SIK3: variants seen among roughly 807,000 people sequenced by gnomAD.
SIK3 encodes SIK family kinase 3.
Under a neutral mutation model 144.2 loss-of-function variants are expected in SIK3, and 28 were observed. The ratio of observed to expected loss-of-function variants is 0.19; its 90% CI spans 0.14 to 0.27. The LOEUF (loss-of-function observed/expected upper bound fraction) is 0.27, where lower values mean the gene tolerates loss of function less well. Among genes scored for constraint, SIK3 ranks in the 10% least tolerant of loss-of-function variants. SIK3 has a pLI of 1.00. For synonymous variants in SIK3, 686 were observed against 676.3 expected, an observed-to-expected ratio of 1.01 and a Z score of -0.22; for missense variants, 1,319 against 1,776.0, an observed-to-expected ratio of 0.74 and a Z score of 4.62.
At chr11:116,965,129 T>C (rs1328478682) in intron 1 of SIK3, among the ~76,000 whole-genome samples, 4 of 152,168 alleles carry the variant, frequency 2.6e-5, no homozygotes, top group African/African-American at 4.8e-5. Context: ...CTGTGATTAC[T>C]TGAAATTCAA....
At chr11:117,000,146 G>T (rs904103816) in intron 1 of SIK3, among the ~76,000 whole-genome samples, 1 of 152,124 alleles carries the variant, frequency 6.6e-6, no homozygotes, top group Admixed American at 6.6e-5. Flanking sequence ...TAGCTCAAGG[G>T]CCTATTGCCC....
intron 1 of SIK3, among the ~76,000 whole-genome samples, chr11:116,967,021 G>GAAAA (rs1949580586): frequency 3.5e-5 from 4 of 113,962 alleles, no homozygotes; most frequent in African/African-American, 1.1e-4. Context: ...AAAAGAAAAA[G>GAAAA]AAAAAGAAAA....
At chr11:116,937,472 A>G (rs1947981846) in intron 3 of SIK3, among the ~76,000 whole-genome samples, 1 of 152,246 alleles carries the variant, frequency 6.6e-6, no homozygotes, top group Admixed American at 6.5e-5. Context: ...ATTACGGTAC[A>G]TAATACCTAA....
chr11:117,057,044 G>A (rs549761023), intron 1 of SIK3, among the ~76,000 whole-genome samples: 2 of 152,340 alleles, frequency 1.3e-5, no homozygotes, highest in South Asian at 4.1e-4. Context: ...AGAAACAACA[G>A]AGATCTCCTG....
At chr11:116,977,613 G>T (rs11216210) in intron 1 of SIK3, among the ~76,000 whole-genome samples, 21,762 of 152,140 alleles carry the variant, frequency 0.14, 2,153 homozygotes, top group African/African-American at 0.27. Flanking sequence ...AACAGCAGAT[G>T]CAGGCTAGGG....
intron 1 of SIK3, among the ~76,000 whole-genome samples, chr11:116,974,155 G>A (rs1949866484): frequency 6.6e-6 from 1 of 152,182 alleles, no homozygotes. Context: ...CACATCTAAA[G>A]CTATTCTAAA....
chr11:116,967,003 C>CCAAAAAA (rs1555113643), intron 1 of SIK3, among the ~76,000 whole-genome samples: 10 of 100,102 alleles, frequency 1.0e-4, no homozygotes, highest in Non-Finnish European at 1.3e-4. Flanking sequence ...GACTCTGTTT[C>CCAAAAAA]AAAAAAAAAA....
At chr11:116,944,477 T>C (rs1232111885) in intron 3 of SIK3, among the ~76,000 whole-genome samples, 1 of 151,984 alleles carries the variant, frequency 6.6e-6, no homozygotes, top group East Asian at 1.9e-4. Flanking sequence ...AATCAATCAA[T>C]CAATCAATCA....
intron 22 of SIK3, among the ~76,000 whole-genome samples, chr11:116,848,538 C>T (rs1232480185): frequency 6.6e-6 from 1 of 152,164 alleles, no homozygotes; most frequent in Non-Finnish European, 1.5e-5. Flanking sequence ...CTCAATGTAG[C>T]TGCTGAAAAA....
intron 1 of SIK3, among the ~76,000 whole-genome samples, chr11:117,089,363 C>T (rs540487303): frequency 6.7e-6 from 1 of 150,040 alleles, no homozygotes; most frequent in South Asian, 2.1e-4. Context: ...GCCAAGATCG[C>T]GCCACTGCAC....
At chr11:117,045,145 G>C (rs1466870863) in intron 1 of SIK3, among the ~76,000 whole-genome samples, 1 of 152,128 alleles carries the variant, frequency 6.6e-6, no homozygotes, top group South Asian at 2.1e-4. Context: ...GACAGAATCA[G>C]TCTTCTATTC....
intron 1 of SIK3, among the ~76,000 whole-genome samples, chr11:117,091,723 T>C (rs568009400): frequency 4.6e-5 from 7 of 152,184 alleles, no homozygotes; most frequent in Non-Finnish European, 5.9e-5. Context: ...TGCCAAGAAA[T>C]GCATCAGAAA....
At chr11:116,964,914 A>G (rs907947780) in intron 1 of SIK3, among the ~76,000 whole-genome samples, 3 of 151,428 alleles carry the variant, frequency 2.0e-5, no homozygotes, top group African/African-American at 7.3e-5. Flanking sequence ...AATAAAATAC[A>G]ATAAAATGTA....
rs780228213 is a variant in SIK3 at position 116,846,359 on chromosome 11, G to A, written c.*13+24C>T. The A allele has an allele frequency of 6.2e-7, 1 of 1,607,832 alleles. No individual in the cohort carries two copies. The highest frequency in any genetic ancestry group is 8.5e-7 in the Non-Finnish European group (1 of 1,176,630). On this transcript the variant is annotated intron_variant, in intron 24 of 24. Transcript: ENST00000445177. The surrounding 1 kb of genome is among the most constrained non-coding windows in gnomAD (Gnocchi z 4.1). The stretch of plus-strand genomic sequence containing the variant: ...AGGCACTGGGCCACAGGGCTGGTTT[G>A]GCTCTGGCCAGGGTGACACTCACTC...
At chr11:116,965,782 T>TATATATATAA (rs1321470388) in intron 1 of SIK3, among the ~76,000 whole-genome samples, 1 of 117,394 alleles carries the variant, frequency 8.5e-6, no homozygotes, top group African/African-American at 3.5e-5. Flanking sequence ...TATATATATA[T>TATATATATAA]AAATTAGCCA....
chr11:117,033,244 C>T (rs1952343349), intron 1 of SIK3, among the ~76,000 whole-genome samples: 1 of 152,184 alleles, frequency 6.6e-6, no homozygotes, highest in South Asian at 2.1e-4. Flanking sequence ...TCTATCAGCA[C>T]AGCGTGACTG....
chr11:116,949,377 C>A (rs145527975), intron 3 of SIK3, among the ~76,000 whole-genome samples: 3 of 152,176 alleles, frequency 2.0e-5, no homozygotes, highest in Admixed American at 6.5e-5. Flanking sequence ...CATACTCAGC[C>A]GTTAAACTCC....
chr11:116,906,793 A>G (rs1192565919), intron 4 of SIK3, among the ~76,000 whole-genome samples: 1 of 152,242 alleles, frequency 6.6e-6, no homozygotes, highest in African/African-American at 2.4e-5. Flanking sequence ...ACAGAAATGG[A>G]CTACAAATAT....
At chr11:117,032,294 T>C (rs1418010827) in intron 1 of SIK3, among the ~76,000 whole-genome samples, 3 of 152,210 alleles carry the variant, frequency 2.0e-5, no homozygotes, top group African/African-American at 7.2e-5. Flanking sequence ...CTTCCAATCA[T>C]GAACACAGTA....
Sources: allele counts gnomAD v4.1 joint callset (sites outside exome capture counted in the v4.1 genomes callset), GRCh38; gene constraint gnomAD v4.1.1; non-coding constraint Gnocchi (gnomAD v3.1); transcripts MANE v1.5; gene names NCBI Gene and HGNC (gene_info 2026-07-23, HGNC 2026-07-21).